Variants in NAALADL2 observed in about 807,000 individuals in gnomAD.
NAALADL2 encodes inactive N-acetylated-alpha-linked acidic dipeptidase-like protein 2.
A neutral mutation model predicts 87.2 loss-of-function variants in NAALADL2; 76 were observed. The ratio of observed to expected loss-of-function variants is 0.87; its 90% CI spans 0.72 to 1.05. The LOEUF is 1.05. Among genes scored for constraint, NAALADL2 ranks in the 50% least tolerant of loss-of-function variants. The probability of loss-of-function intolerance (pLI) is 0.00; values close to 1 mark genes in which losing one functional copy is unlikely to be tolerated. For missense variants in NAALADL2, 1,089 were observed against 945.8 expected (o/e 1.15, Z -1.99); for synonymous variants, 354 against 331.0 (o/e 1.07, Z -0.75).
chr3:175,498,068 G>C lies in NAALADL2; in HGVS notation c.1653+26310G>C, dbSNP rs571829393. 4.4e-4 allele frequency among the ~76,000 whole-genome samples: 67 copies of C among 152,156 alleles called. No homozygotes were observed. The South Asian group carries it at 0.013, about 31-fold the overall frequency. On this transcript the variant is annotated intron_variant, in intron 9 of 13. Coordinates refer to ENST00000454872, the MANE Select transcript of NAALADL2 (RefSeq NM_207015.3). ...TTTAGTTACTGAAGAATGTATCAGA[G>C]TCCCTTACCAGCTGAATTGATCAAA...
rs146550461 is a variant in NAALADL2 at position 175,231,578 on chromosome 3, A to G, written c.546-2353A>G. Among the ~76,000 whole-genome samples, 482 of 152,232 alleles carry G rather than the reference A, an allele frequency of 3.2e-3. 3 individuals carry two copies. Among genetic ancestry groups the G allele is most frequent in the African/African-American group, 0.011 (460 of 41,558 alleles). The stretch of plus-strand genomic sequence containing the variant: ...GCCTTCGAGGCCTTATAGTATAAAC[A>G]TTCAATGTTTTCAGTTGCTTGCACC... On this transcript the variant is annotated intron_variant, in intron 2 of 13. Transcript: ENST00000454872.
intron 2 of NAALADL2, among the ~76,000 whole-genome samples, chr3:174,586,415 A>G (rs1425558524): frequency 1.3e-5 from 2 of 152,102 alleles, no homozygotes; most frequent in East Asian, 3.9e-4. Context: ...GTTGTGCTGG[A>G]CTCCTGCTAA....
intron 5 of NAALADL2, among the ~76,000 whole-genome samples, chr3:175,407,359 A>G (rs934338910): frequency 2.6e-5 from 4 of 152,164 alleles, no homozygotes; most frequent in African/African-American, 9.7e-5. Context: ...ACATTCACAG[A>G]ATGTGGCTGA....
intron 10 of NAALADL2, among the ~76,000 whole-genome samples, chr3:175,620,347 T>G (rs1726039444): frequency 6.6e-6 from 1 of 152,198 alleles, no homozygotes; most frequent in African/African-American, 2.4e-5. Flanking sequence ...CTGGGTGTGC[T>G]GCAACCAGCA....
rs563268144 is a variant in NAALADL2, at chr3:174,756,954, AAAAC to A, written c.-9+19212_-9+19215del. Reference sequence around the variant, plus strand: ...TATTTCTTGACACCTATAGACAAAAAAAACAAAACAAAACAAAACAAAACCTCAC... The same window carrying A: ...TATTTCTTGACACCTATAGACAAAAAAAAACAAAACAAAACAAAACCTCAC... On this transcript the variant is annotated intron_variant, in intron 3 of 3. Transcript: ENST00000434257. Among the ~76,000 whole-genome samples, 28 of 55,322 alleles carry A rather than the reference AAAAC, an allele frequency of 5.1e-4. No homozygotes were observed. In the South Asian group the frequency reaches 8.4e-3, roughly 17 times the overall value. The allele number at this position is 55,322 out of a possible 152,430, so 36.3% of individuals were successfully genotyped here. A position where few individuals can be genotyped will look rare whatever the true frequency, so the allele number is the denominator to read the frequency against.
rs949339677 is a variant in NAALADL2, at chr3:175,471,891, A to G, written c.1653+133A>G. The G allele has an allele frequency of 6.4e-6, 5 of 779,624 alleles. No homozygotes were observed. The African/African-American group carries it at 7.3e-5, about 11-fold the overall frequency. 48.3% of individuals were successfully genotyped at this position (779,624 alleles called of 1,614,324 possible). On this transcript the variant is annotated intron_variant, in intron 9 of 13. Coordinates refer to ENST00000454872, the MANE Select transcript of NAALADL2 (RefSeq NM_207015.3). Reference sequence around the variant, plus strand: ...GTATAAGTGTTTTAAGAAATGATCTATTGCTGACATTTTATCAATATACCT... The same window carrying G: ...GTATAAGTGTTTTAAGAAATGATCTGTTGCTGACATTTTATCAATATACCT...
intron 11 of NAALADL2, among the ~76,000 whole-genome samples, chr3:175,684,018 T>C (rs1735947561): frequency 6.6e-6 from 1 of 152,110 alleles, no homozygotes; most frequent in African/African-American, 2.4e-5. Flanking sequence ...ACTTGGAAAT[T>C]AAGATGCATC....
At chr3:175,424,405 G>A (rs1451472368) in intron 5 of NAALADL2, among the ~76,000 whole-genome samples, 2 of 152,168 alleles carry the variant, frequency 1.3e-5, no homozygotes, top group Non-Finnish European at 1.5e-5. Flanking sequence ...TAACATGTAA[G>A]TCTTTAATCC....
At chr3:174,802,980 C>T (rs1022796500) in intron 3 of NAALADL2, among the ~76,000 whole-genome samples, 4 of 152,038 alleles carry the variant, frequency 2.6e-5, no homozygotes, top group African/African-American at 7.2e-5. Flanking sequence ...GATTTGTAAT[C>T]CTTTGGGTAT....
rs556993215 is a variant in NAALADL2, at chr3:174,609,127, A to G, written c.-115+58490A>G. 2.0e-5 allele frequency among the ~76,000 whole-genome samples: 3 copies of G among 152,288 alleles called. No homozygotes were observed. The South Asian group carries it at 6.2e-4, about 32-fold the overall frequency. On this transcript the variant is annotated intron_variant, in intron 2 of 3. Coordinates refer to the NAALADL2 transcript ENST00000434257. ...AAAATTCAACAACACTTCATGCTAA[A>G]AACTCTCAATAAATTAGGTATTGAT...
At chr3:175,369,093 G>C (rs1417634934) in intron 5 of NAALADL2, among the ~76,000 whole-genome samples, 1 of 152,086 alleles carries the variant, frequency 6.6e-6, no homozygotes, top group Non-Finnish European at 1.5e-5. Context: ...TTAAGTAATT[G>C]CACTAATGTC....
At chr3:175,207,954 C>G (rs1189940610) in intron 2 of NAALADL2, among the ~76,000 whole-genome samples, 1 of 152,008 alleles carries the variant, frequency 6.6e-6, no homozygotes, top group Admixed American at 6.6e-5. Flanking sequence ...GATTTACTTA[C>G]AGGAGTATAA....
intron 1 of NAALADL2, among the ~76,000 whole-genome samples, chr3:175,018,221 A>G (rs563330733): frequency 6.6e-6 from 1 of 152,160 alleles, no homozygotes; most frequent in Admixed American, 6.6e-5. Flanking sequence ...AGTATGTAAA[A>G]CATCCATCAA....
intron 5 of NAALADL2, among the ~76,000 whole-genome samples, chr3:175,393,793 C>T (rs538253722): frequency 1.1e-4 from 16 of 152,266 alleles, no homozygotes; most frequent in Admixed American, 5.9e-4. Flanking sequence ...ATTGATATAA[C>T]GCTCTTGTCC....
chr3:175,723,660 A>G (rs541979286), intron 11 of NAALADL2, among the ~76,000 whole-genome samples: 2 of 152,254 alleles, frequency 1.3e-5, no homozygotes, highest in African/African-American at 4.8e-5. Flanking sequence ...AGACATTCCA[A>G]TATAAATAGA....
Position 175,746,170 on chromosome 3 carries a change from T to C in NAALADL2, c.1990+8771T>C, listed in dbSNP as rs560329262. ...GAATTTGGTCTGACTTTTTTCTTTT[T>C]TTTTTCATTAGCTCTGATAATTCAT... On this transcript the variant is annotated intron_variant, in intron 12 of 13. Transcript: ENST00000454872. Among the ~76,000 whole-genome samples, 27 of 152,170 alleles carry C rather than the reference T, an allele frequency of 1.8e-4. 1 individual carries two copies. The South Asian group carries it at 5.4e-3, about 30-fold the overall frequency.
chr3:175,601,952 T>A (rs1331474168), intron 10 of NAALADL2, among the ~76,000 whole-genome samples: 2 of 152,226 alleles, frequency 1.3e-5, no homozygotes, highest in African/African-American at 4.8e-5. Flanking sequence ...AGCATTTATT[T>A]ACATTTTTAC....
intron 1 of NAALADL2, among the ~76,000 whole-genome samples, chr3:175,051,912 C>A (rs75176831): frequency 0.012 from 1,902 of 152,254 alleles, 27 homozygotes; most frequent in African/African-American, 0.044. Flanking sequence ...TTTGCCGAGA[C>A]CAGCTCGGCT....
chr3:174,585,153 G>C (rs1716564726), intron 2 of NAALADL2, among the ~76,000 whole-genome samples: 1 of 152,096 alleles, frequency 6.6e-6, no homozygotes, highest in Admixed American at 6.6e-5. Flanking sequence ...AGTAAGGTCA[G>C]AGCTGTACTG....
Sources: allele counts gnomAD v4.1 joint callset (sites outside exome capture counted in the v4.1 genomes callset), GRCh38; gene constraint gnomAD v4.1.1; transcripts MANE v1.5; gene names NCBI Gene and HGNC (gene_info 2026-07-23, HGNC 2026-07-21).